SAMTOR: variants seen among roughly 807,000 people sequenced by gnomAD.
SAMTOR encodes the protein UPF0532 protein C7orf60.
chr7:112,926,104 T>A, the SAMTOR span, among the ~76,000 whole-genome samples: 1 of 152,222 alleles, frequency 6.6e-6, no homozygotes, highest in East Asian at 1.9e-4. Flanking sequence ...AAGGGGACAA[T>A]CTCAGTGGGC....
chr7:112,867,726 T>C, the SAMTOR span, among the ~76,000 whole-genome samples: 1 of 152,272 alleles, frequency 6.6e-6, no homozygotes, highest in Admixed American at 6.5e-5. Flanking sequence ...AGAAAAGAAC[T>C]ATATTTAAAT....
the SAMTOR span, among the ~76,000 whole-genome samples, chr7:112,938,279 A>C: frequency 6.6e-6 from 1 of 152,224 alleles, no homozygotes; most frequent in Non-Finnish European, 1.5e-5. Flanking sequence ...AGGTCTGATA[A>C]GACTCTTTCT....
At chr7:112,822,076 C>T in the SAMTOR span, 1 of 1,613,616 alleles carries the variant, frequency 6.2e-7, no homozygotes, top group Non-Finnish European at 8.5e-7. Flanking sequence ...GACTCTATAG[C>T]AATCTTCCAG....
the SAMTOR span, among the ~76,000 whole-genome samples, chr7:112,828,803 A>AATT: frequency 0.011 from 1,650 of 152,312 alleles, 31 homozygotes; most frequent in African/African-American, 0.037. Context: ...GCTAATATTG[A>AATT]ATTTCAGCTT....
chr7:112,881,340 A>AG, the SAMTOR span, among the ~76,000 whole-genome samples: 1 of 152,166 alleles, frequency 6.6e-6, no homozygotes, highest in South Asian at 2.1e-4. Flanking sequence ...CCTTCAAGCC[A>AG]GGGACAGCTT....
chr7:112,902,425 AAAAC>A, the SAMTOR span, among the ~76,000 whole-genome samples: 5 of 99,944 alleles, frequency 5.0e-5, no homozygotes, highest in East Asian at 3.7e-4. Context: ...TCAAAAAAAA[AAAAC>A]AAAAAAAAAC....
At chr7:112,825,928 G>A in the SAMTOR span, among the ~76,000 whole-genome samples, 1 of 150,754 alleles carries the variant, frequency 6.6e-6, no homozygotes. Flanking sequence ...CCTTTTCTGT[G>A]CCTACTGAAA....
At chr7:112,829,653 G>A in the SAMTOR span, among the ~76,000 whole-genome samples, 2 of 152,172 alleles carry the variant, frequency 1.3e-5, no homozygotes, top group African/African-American at 4.8e-5. Flanking sequence ...CCTGAACTGT[G>A]TTCTGGGATG....
chr7:112,866,950 T>G, the SAMTOR span, among the ~76,000 whole-genome samples: 3 of 152,230 alleles, frequency 2.0e-5, no homozygotes, highest in Admixed American at 1.3e-4. Flanking sequence ...GTAAACAAAC[T>G]GGGGAAGACA....
chr7:112,837,845 G>A, the SAMTOR span, among the ~76,000 whole-genome samples: 1 of 151,850 alleles, frequency 6.6e-6, no homozygotes. Flanking sequence ...GAATTTATAT[G>A]TTTCTGTTTA....
At chr7:112,902,068 T>C in the SAMTOR span, among the ~76,000 whole-genome samples, 2 of 152,234 alleles carry the variant, frequency 1.3e-5, no homozygotes, top group South Asian at 2.1e-4. Context: ...TCCAACTATA[T>C]GACATTCTGG....
the SAMTOR span, among the ~76,000 whole-genome samples, chr7:112,825,247 G>C: frequency 6.6e-6 from 1 of 151,346 alleles, no homozygotes; most frequent in Non-Finnish European, 1.5e-5. Context: ...GGATGGTCTC[G>C]AACTTTTGGA....
chr7:112,938,629 C>T, the SAMTOR span, among the ~76,000 whole-genome samples: 2 of 152,312 alleles, frequency 1.3e-5, no homozygotes, highest in East Asian at 3.9e-4. Flanking sequence ...CAGTGGAAAG[C>T]TTTCCTCATT....
At chr7:112,934,110 C>G in the SAMTOR span, among the ~76,000 whole-genome samples, 42 of 152,280 alleles carry the variant, frequency 2.8e-4, no homozygotes, top group Non-Finnish European at 5.1e-4. Flanking sequence ...TAAATGGCGG[C>G]AGATACAGTT....
the SAMTOR span, among the ~76,000 whole-genome samples, chr7:112,904,937 G>A: frequency 2.4e-4 from 37 of 152,290 alleles, no homozygotes; most frequent in Non-Finnish European, 3.5e-4. Context: ...GAGAGAGACT[G>A]CCCCTCTCAG....
the SAMTOR span, among the ~76,000 whole-genome samples, chr7:112,865,286 C>T: frequency 6.6e-6 from 1 of 151,520 alleles, no homozygotes; most frequent in East Asian, 2.0e-4. Flanking sequence ...CCCCATCTCT[C>T]TCTTTTTTTT....
the SAMTOR span, among the ~76,000 whole-genome samples, chr7:112,916,733 C>G: frequency 6.6e-6 from 1 of 152,146 alleles, no homozygotes; most frequent in African/African-American, 2.4e-5. Context: ...TCGGGTCACT[C>G]CCACCCTAAT....
the SAMTOR span, among the ~76,000 whole-genome samples, chr7:112,825,949 ACTTTTT>A: frequency 6.6e-6 from 1 of 151,672 alleles, no homozygotes; most frequent in South Asian, 2.1e-4. Context: ...TGATCAAATG[ACTTTTT>A]CTTTTTGAGT....
At chr7:112,912,784 C>A in the SAMTOR span, among the ~76,000 whole-genome samples, 3 of 151,680 alleles carry the variant, frequency 2.0e-5, no homozygotes, top group Admixed American at 1.3e-4. Context: ...TAAAAAATGA[C>A]CTCATGTGAT....
Sources: allele counts gnomAD v4.1 joint callset (sites outside exome capture counted in the v4.1 genomes callset), GRCh38; gene constraint gnomAD v4.1.1; transcripts MANE v1.5; gene names NCBI Gene and HGNC (gene_info 2026-07-23, HGNC 2026-07-21).